The following COL1A1 variants were observed in gnomAD, a reference collection of about 807,000 sequenced individuals.
The protein encoded by COL1A1 is collagen type I alpha 1 chain, also known as collagen alpha-1(I) chain.
In COL1A1, 21 loss-of-function variants were observed where a neutral mutation model predicts 195.7. The ratio of observed to expected loss-of-function variants is 0.11; its 90% CI spans 0.08 to 0.15. The LOEUF (loss-of-function observed/expected upper bound fraction) is 0.15. Ranked by LOEUF, COL1A1 falls within the 10% of genes least tolerant of loss-of-function variation. The pLI is 1.00. For synonymous variants in COL1A1, 749 were observed against 747.3 expected (o/e 1.00, Z -0.04); for missense variants, 1,365 against 2,051.0 (o/e 0.67, Z 6.46).
chr17:50,190,737 A>G lies in COL1A1; in HGVS notation c.2343+80T>C. On this transcript the variant is annotated intron_variant, in intron 33 of 50. Coordinates refer to ENST00000225964, the MANE Select transcript of COL1A1 (RefSeq NM_000088.4). This position sits in a 1 kb window ranked among gnomAD's most constrained non-coding sequence, Gnocchi z 4.7. ...CAGTTTGGCAGGACCTGCTCTCCCAACGCAACCCCACGGAACCGTGCCCAG... is the reference window on the plus strand; with the variant it reads ...CAGTTTGGCAGGACCTGCTCTCCCAGCGCAACCCCACGGAACCGTGCCCAG... 1 of 1,499,536 alleles carries G rather than the reference A, an allele frequency of 6.7e-7. No homozygotes were observed. The highest frequency in any genetic ancestry group is 9.3e-7 in the Non-Finnish European group (1 of 1,079,064). 92.9% of individuals were successfully genotyped at this position (1,499,536 alleles called of 1,614,324 possible).
chr17:50,191,835 C>T lies in COL1A1; in HGVS notation c.2080G>A (p.Ala694Thr). The T allele has an allele frequency of 6.2e-7, 1 of 1,602,694 alleles. No homozygotes were observed. The highest frequency in any genetic ancestry group is 1.3e-5 in the African/African-American group (1 of 74,894). Reference protein sequence around the residue: ...ERGVQGPPGPAGPRGANGAPG... With the variant: ...ERGVQGPPGPTGPRGANGAPG... ...GCACCGTTGGCCCCTCGGGGACCAG[C>T]AGGACCAGGGGGACCTTGCACACCA... Residue 694 changes from alanine to threonine, a missense_variant, in exon 31 of 51, where the codon GCT becomes ACT. Coordinates refer to ENST00000225964, the MANE Select transcript of COL1A1 (RefSeq NM_000088.4).
At chr17:50,196,951 G>A in intron 11 of COL1A1, 59 bp downstream of exon 11, 1 of 1,580,202 alleles carries the variant, frequency 6.3e-7, no homozygotes, top group East Asian at 2.2e-5. Context: ...GAAGAGGTTG[G>A]GACTGGATGG....
chr17:50,190,317 T>G lies in COL1A1; in HGVS notation c.2451+10A>C. 6.4e-7 allele frequency: 1 copy of G among 1,557,034 alleles called. No individual in the cohort carries two copies. Among genetic ancestry groups the G allele is most frequent in the Non-Finnish European group, 8.8e-7 (1 of 1,132,202 alleles). The stretch of plus-strand genomic sequence containing the variant: ...CGGTGATGAAAAATGATGGGGGTCT[T>G]GGTACTCACAGGGGGGCCAGCAAAG... On this transcript the variant is annotated intron_variant, in intron 35 of 50. Transcript: ENST00000225964. This position sits in a 1 kb window ranked among gnomAD's most constrained non-coding sequence, Gnocchi z 4.7.
Position 50,195,509 on chromosome 17 carries a change from A to C in COL1A1, c.1156-31T>G, listed in dbSNP as rs1348233328. 6.2e-7 allele frequency: 1 copy of C among 1,614,056 alleles called. No individual in the cohort carries two copies. The highest frequency in any genetic ancestry group is 1.1e-5 in the South Asian group (1 of 91,074). ...GCACAGAGAAAGGAGTGTCAGCAACAGGCAAGGACTCTGAGGTTAGAAAGT... is the reference window on the plus strand; with the variant it reads ...GCACAGAGAAAGGAGTGTCAGCAACCGGCAAGGACTCTGAGGTTAGAAAGT... On this transcript the variant is annotated intron_variant, in intron 17 of 50. Transcript: ENST00000225964. The surrounding 1 kb of genome is among the most constrained non-coding windows in gnomAD (Gnocchi z 4.3).
rs1800012 is a variant in COL1A1, at chr17:50,200,388, C to A, written c.104-441G>T. ...GGGAGGTCCAGCCCTCATCCCGCCCCCATTCCCTGGGCAGGTGGGGTGGCG... is the reference window on the plus strand; with the variant it reads ...GGGAGGTCCAGCCCTCATCCCGCCCACATTCCCTGGGCAGGTGGGGTGGCG... On this transcript the variant is annotated intron_variant, in intron 1 of 50. Coordinates refer to ENST00000225964, the MANE Select transcript of COL1A1 (RefSeq NM_000088.4). Among the ~76,000 whole-genome samples the A allele has an allele frequency of 0.14, 20,815 of 152,102 alleles. 1,672 individuals are homozygous for A. The highest frequency in any genetic ancestry group is 0.19 in the Non-Finnish European group (12,635 of 67,934).
At chr17:50,187,165 G>T (rs41316717) in intron 46 of COL1A1, 43 bp from the exon 47 acceptor site, 1 of 1,481,948 alleles carries the variant, frequency 6.7e-7, no homozygotes, top group South Asian at 1.2e-5. Context: ...CCAGAAGCCC[G>T]AACAACCCCA....
rs1239012334 is a variant in COL1A1 at position 50,186,419 on chromosome 17, G to A, written c.3903C>T (p.Tyr1301=). 7 of 1,614,166 alleles carry A rather than the reference G, an allele frequency of 4.3e-6. No homozygotes were observed. Among genetic ancestry groups the A allele is most frequent in the East Asian group, 2.2e-5 (1 of 44,882 alleles). The change falls in exon 49 of 51, where the codon TAC becomes TAT. Residue 1301 remains tyrosine, a synonymous_variant. Coordinates refer to ENST00000225964, the MANE Select transcript of COL1A1 (RefSeq NM_000088.4). This position sits in a 1 kb window ranked among gnomAD's most constrained non-coding sequence, Gnocchi z 5.3. The part of the protein sequence containing the change: ...CNMETGETCV[Y]PTQPSVAQKN... Reference sequence around the variant, plus strand: ...TCTGGGCCACACTGGGCTGAGTGGGGTACACGCAGGTCTCACCAGTCTCCA... The same window carrying A: ...TCTGGGCCACACTGGGCTGAGTGGGATACACGCAGGTCTCACCAGTCTCCA...
intron 45 of COL1A1, 128 bp downstream of exon 45, chr17:50,187,748 A>G: frequency 9.7e-7 from 1 of 1,031,280 alleles, no homozygotes; most frequent in East Asian, 2.5e-5. Context: ...CATGCCCACA[A>G]ATCTTCAGAC....
In COL1A1 at chr17:50,185,223, C is replaced by T. The variant is rs1456497312; in HGVS notation, c.*279G>A. 37 of 417,738 alleles carry T rather than the reference C, an allele frequency of 8.9e-5. No individual in the cohort carries two copies. Among genetic ancestry groups the T allele is most frequent in the Non-Finnish European group, 1.4e-4 (33 of 233,798 alleles). The allele number at this position is 417,738 out of a possible 1,614,324, so 25.9% of individuals were successfully genotyped here. ...CGCATGGGTCTTCAAGCAAGTGGAC[C>T]AAGCTTCCTTTTTTAAAAAGTTATT... On this transcript the variant is annotated 3_prime_UTR_variant, in exon 51 of 51. Coordinates refer to ENST00000225964, the MANE Select transcript of COL1A1 (RefSeq NM_000088.4).
At position 50,194,547 on chromosome 17, in the gene COL1A1, GC is replaced by G; in HGVS notation, c.1515+25del. ...AGATGCCCAGGGAGCGGCAGGGTCA[GC>G]CCCCCGGCCGCAAGGAGAGGTTACC... On this transcript the variant is annotated intron_variant, in intron 22 of 50. Coordinates refer to ENST00000225964, the MANE Select transcript of COL1A1 (RefSeq NM_000088.4). The surrounding 1 kb of genome is among the most constrained non-coding windows in gnomAD (Gnocchi z 6.8). 2 of 1,602,730 alleles carry G rather than the reference GC, an allele frequency of 1.2e-6. No homozygotes were observed. The highest frequency in any genetic ancestry group is 1.1e-5 in the South Asian group (1 of 90,190).
intron 32 of COL1A1, 32 bp downstream of exon 32, chr17:50,191,351 A>G: frequency 6.3e-7 from 1 of 1,579,856 alleles, no homozygotes; most frequent in Non-Finnish European, 8.7e-7. Flanking sequence ...GGAGCCATGT[A>G]GGGCTCAGGG....
chr17:50,199,243 G>T lies in COL1A1; in HGVS notation c.454C>A (p.Pro152Thr), dbSNP rs1221734311. The T allele has an allele frequency of 1.6e-5, 24 of 1,474,254 alleles. No individual in the cohort carries two copies. Among genetic ancestry groups the T allele is most frequent in the Non-Finnish European group, 2.1e-5 (23 of 1,108,116 alleles). The allele number at this position is 1,474,254 out of a possible 1,614,324, so 91.3% of individuals were successfully genotyped here. The change falls in exon 5 of 51, where the codon CCC (proline) becomes ACC (threonine). Residue 152 changes from proline (P) to threonine (T), a missense_variant. Pro to Thr is a conservative substitution (Grantham distance 38). Transcript: ENST00000225964. ...CCACTTACTCCTCCGAGGCCAGGGG[G>T]TCCGGGAGGTCCGGGGGGTCCGGGG... ...GPPGPPGPPG[P>T]PGLGGNFAPQ... is the part of the protein sequence containing the mutation.
At chr17:50,187,340 G>A (rs1316142012) in intron 46 of COL1A1, 144 bp downstream of exon 46, 2 of 905,892 alleles carry the variant, frequency 2.2e-6, no homozygotes, top group Non-Finnish European at 1.8e-6. Context: ...CAGATTGTTT[G>A]TTCAGGATTC....
In COL1A1 at chr17:50,195,182, G is replaced by A. The variant is rs758540991; in HGVS notation, c.1299+50C>T. On this transcript the variant is annotated intron_variant, in intron 19 of 50. Coordinates refer to ENST00000225964, the MANE Select transcript of COL1A1 (RefSeq NM_000088.4). The surrounding 1 kb of genome is among the most constrained non-coding windows in gnomAD (Gnocchi z 4.3). ...TCTTCCTGCTCCCCAGATGAGAGCC[G>A]CACTGGAGCCAGTGCATGGGGTGGG... The A allele has an allele frequency of 3.1e-5, 50 of 1,604,402 alleles. No homozygotes were observed. The highest frequency in any genetic ancestry group is 4.0e-5 in the African/African-American group (3 of 74,808).
chr17:50,200,129 G>C, intron 1 of COL1A1, 182 bp from the exon 2 acceptor site: 1 of 686,362 alleles, frequency 1.5e-6, no homozygotes. Flanking sequence ...GCGCCGAGGC[G>C]CCTGGCCAGG....
In COL1A1 at chr17:50,190,788, G is replaced by A. The variant is rs1477761167; in HGVS notation, c.2343+29C>T. On this transcript the variant is annotated intron_variant, in intron 33 of 50. Transcript: ENST00000225964. This position sits in a 1 kb window ranked among gnomAD's most constrained non-coding sequence, Gnocchi z 4.7. ...GCCTGCTGAGGAGGCTATGTGTTAGGGCAGAAGGTGGGGAGGCGGCCACCT... is the reference window on the plus strand; with the variant it reads ...GCCTGCTGAGGAGGCTATGTGTTAGAGCAGAAGGTGGGGAGGCGGCCACCT... 1 of 1,585,472 alleles carries A rather than the reference G, an allele frequency of 6.3e-7. No homozygotes were observed. The highest frequency in any genetic ancestry group is 8.7e-7 in the Non-Finnish European group (1 of 1,154,504).
chr17:50,191,939 A>G (rs769990458), intron 30 of COL1A1, 41 bp downstream of exon 30: 2 of 1,610,180 alleles, frequency 1.2e-6, no homozygotes, highest in South Asian at 2.2e-5. Context: ...AGGGCCAAGT[A>G]CGACGCACCT....
At chr17:50,193,347 G>A in intron 25 of COL1A1, 1 of 513,864 alleles carries the variant, frequency 1.9e-6, no homozygotes, top group Non-Finnish European at 3.5e-6. Flanking sequence ...CACCAAGACT[G>A]GGGGTGCCTA....
At position 50,201,570 on chromosome 17, in the gene COL1A1, C is replaced by A; in HGVS notation, c.-57G>T. 2 of 1,491,232 alleles carry A rather than the reference C, an allele frequency of 1.3e-6. No individual in the cohort carries two copies. Among genetic ancestry groups the A allele is most frequent in the East Asian group, 2.4e-5 (1 of 42,180 alleles). The allele number at this position is 1,491,232 out of a possible 1,614,324, so 92.4% of individuals were successfully genotyped here. A position where few individuals can be genotyped will look rare whatever the true frequency, so the allele number is the denominator to read the frequency against. The stretch of plus-strand genomic sequence containing the variant: ...GCTGGGGAGGGGGTTAGCGTCCGCT[C>A]ATGCGTGGCCTCACACTCCGCGTGC... On this transcript the variant is annotated 5_prime_UTR_variant, in exon 1 of 51. The change abolishes an upstream ATG in the 5' untranslated region. Transcript: ENST00000225964.
Sources: allele counts gnomAD v4.1 joint callset (sites outside exome capture counted in the v4.1 genomes callset), GRCh38; gene constraint gnomAD v4.1.1; non-coding constraint Gnocchi (gnomAD v3.1); transcripts MANE v1.5; gene names NCBI Gene and HGNC (gene_info 2026-07-23, HGNC 2026-07-21).